SRRM2: variants seen among roughly 807,000 people sequenced by gnomAD.
The protein encoded by SRRM2 is serine/arginine repetitive matrix protein 2.
SRRM2 carries 30 observed loss-of-function variants against 213.8 expected under a neutral mutation model. The observed-to-expected ratio is 0.14, with a 90% confidence interval of 0.10 to 0.19. The LOEUF (loss-of-function observed/expected upper bound fraction) is 0.19. Among genes scored for constraint, SRRM2 ranks in the 10% least tolerant of loss-of-function variants. SRRM2 has a pLI of 1.00. For missense variants in SRRM2, 4,904 were observed against 3,647.0 expected (o/e 1.34, Z -8.88); for synonymous variants, 2,025 against 1,377.7 (o/e 1.47, Z -10.40).
In SRRM2 at chr16:2,767,089, T is replaced by C; in HGVS notation, c.6561T>C (p.Ala2187=). 1 of 1,614,186 alleles carries C rather than the reference T, an allele frequency of 6.2e-7. No individual in the cohort carries two copies. ...AQSRIALALT[A]ISLGTARPPP... Reference sequence around the variant, plus strand: ...CCAGGATTGCACTTGCCCTGACAGCTATCAGTCTTGGCACCGCTCGGCCTC... The same window carrying C: ...CCAGGATTGCACTTGCCCTGACAGCCATCAGTCTTGGCACCGCTCGGCCTC... Residue 2187 remains alanine, a synonymous_variant, in exon 11 of 15, where the codon GCT becomes GCC. Coordinates refer to ENST00000301740, the MANE Select transcript of SRRM2 (RefSeq NM_016333.4).
chr16:2,756,345 C>G lies in SRRM2; in HGVS notation c.-20C>G, dbSNP rs763337095. Reference sequence around the variant, plus strand: ...CCGCTCCCCCTCAGGAGCGGTGGTGCCCCCCCCGGGCACGGGGCCATGTAC... The same window carrying G: ...CCGCTCCCCCTCAGGAGCGGTGGTGGCCCCCCCGGGCACGGGGCCATGTAC... On this transcript the variant is annotated 5_prime_UTR_variant, in exon 2 of 15. Coordinates refer to ENST00000301740, the MANE Select transcript of SRRM2 (RefSeq NM_016333.4). 1 of 1,563,910 alleles carries G rather than the reference C, an allele frequency of 6.4e-7. No individual in the cohort carries two copies. The highest frequency in any genetic ancestry group is 8.6e-7 in the Non-Finnish European group (1 of 1,159,186).
rs766524995 is a variant in SRRM2 at position 2,765,595 on chromosome 16, C to G, written c.5067C>G (p.Arg1689=). 1 of 1,614,178 alleles carries G rather than the reference C, an allele frequency of 6.2e-7. No homozygotes were observed. The highest frequency in any genetic ancestry group is 8.5e-7 in the Non-Finnish European group (1 of 1,180,028). ...AGTCTCGTACACCACCTCGACGTCG[C>G]AGCTCTCGATCATCTCCGGAGCTAA... ...KTKSRTPPRR[R]SSRSSPELTR... Residue 1689 remains arginine (R), a synonymous_variant, in exon 11 of 15, where the codon CGC becomes CGG. Transcript: ENST00000301740.
chr16:2,768,289 T>G, intron 11 of SRRM2, 28 bp downstream of exon 11: 2 of 1,493,932 alleles, frequency 1.3e-6, no homozygotes, highest in Non-Finnish European at 1.8e-6. Context: ...TTAGAAATCT[T>G]CAGTGGGGGA....
At chr16:2,757,353 C>G (rs1032555671) in intron 2 of SRRM2, 119 bp from the exon 3 acceptor site, 1 of 764,028 alleles carries the variant, frequency 1.3e-6, no homozygotes, top group Non-Finnish European at 2.2e-6. Context: ...TTTGGGTGAG[C>G]GAAAAGTTCT....
At position 2,771,050 on chromosome 16, in the gene SRRM2, G is replaced by T. The variant is rs763793877; in HGVS notation, c.*183G>T. 3.5e-5 allele frequency: 19 copies of T among 540,738 alleles called. No homozygotes were observed. Among genetic ancestry groups the T allele is most frequent in the African/African-American group, 8.0e-5 (4 of 49,782 alleles). 33.5% of individuals were successfully genotyped at this position (540,738 alleles called of 1,614,324 possible). A position where few individuals can be genotyped will look rare whatever the true frequency, so the allele number is the denominator to read the frequency against. ...TTGTTCCTGTGAAATGTTAATCTCC[G>T]TGAGTTCTTCCTGGTTCATGTGTTC... is the stretch of plus-strand genomic sequence containing the variant. On this transcript the variant is annotated 3_prime_UTR_variant, in exon 15 of 15. Transcript: ENST00000301740.
intron 9 of SRRM2, 123 bp from the exon 10 acceptor site, chr16:2,760,178 T>TAA: frequency 2.1e-6 from 2 of 954,214 alleles, no homozygotes. Context: ...GTTGTGCGAC[T>TAA]AAAGGCTTTT....
chr16:2,769,573 C>T (rs182328799), intron 12 of SRRM2: 15 of 642,722 alleles, frequency 2.3e-5, no homozygotes, highest in African/African-American at 8.9e-5. Context: ...CTCCCTGTTG[C>T]TACTGCCAGG....
chr16:2,764,799 C>T lies in SRRM2; in HGVS notation c.4271C>T (p.Ser1424Phe), dbSNP rs755963980. The part of the protein sequence containing the change: ...PSRERSSSAS[S>F]PEMKDGLPRT... ...AGAGAAAGAAGTAGTTCTGCATCTT[C>T]TCCTGAAATGAAAGATGGTTTACCC... is the stretch of plus-strand genomic sequence containing the variant. Residue 1424 changes from serine to phenylalanine, a missense_variant, in exon 11 of 15, where the codon TCT becomes TTT. Ser to Phe is a radical substitution (Grantham distance 155). Coordinates refer to ENST00000301740, the MANE Select transcript of SRRM2 (RefSeq NM_016333.4). 3.1e-6 allele frequency: 5 copies of T among 1,614,102 alleles called. No homozygotes were observed. Among genetic ancestry groups the T allele is most frequent in the South Asian group, 1.1e-5 (1 of 91,076 alleles).
rs1428484737 is a variant in SRRM2, at chr16:2,767,210, C to T, written c.6682C>T (p.Leu2228Phe). 6.2e-7 allele frequency: 1 copy of T among 1,614,204 alleles called. No individual in the cohort carries two copies. Among genetic ancestry groups the T allele is most frequent in the Non-Finnish European group, 8.5e-7 (1 of 1,180,036 alleles). ...TCTCAGAACCGCACCAGCAGCCAAC[C>T]TTGCCAGCAGGATTCCTGCAGCCTC... ...MSLRTAPAAN[L>F]ASRIPAASAA... Residue 2228 changes from leucine to phenylalanine, a missense_variant, in exon 11 of 15, where the codon CTT (leucine) becomes TTT (phenylalanine). Physicochemically the swap from Leu to Phe is conservative, Grantham distance 22. Transcript: ENST00000301740.
At chr16:2,769,772 G>A (rs748364465) in intron 12 of SRRM2, 2 of 466,198 alleles carry the variant, frequency 4.3e-6, no homozygotes, top group Non-Finnish European at 8.5e-6. Context: ...CCCCACCTCT[G>A]CGGGAGTGGC....
chr16:2,770,105 A>C, intron 12 of SRRM2: 1 of 1,392,436 alleles, frequency 7.2e-7, no homozygotes, highest in Non-Finnish European at 9.4e-7. Context: ...GCCTTTCTTC[A>C]CCACTGAGCT....
Position 2,756,621 on chromosome 16 carries a change from G to GGGGA in SRRM2, c.242+17_242+20dup. On this transcript the variant is annotated intron_variant, in intron 2 of 14. Coordinates refer to ENST00000301740, the MANE Select transcript of SRRM2 (RefSeq NM_016333.4). ...GAAGAGCAGGGGTGAGGGAGAGCTGGGGGAGAGTCAAGCACTGAATGAGTG... is the reference window on the plus strand; with the variant it reads ...GAAGAGCAGGGGTGAGGGAGAGCTGGGGGAGGGAGAGTCAAGCACTGAATGAGTG... 2 of 1,606,084 alleles carry GGGGA rather than the reference G, an allele frequency of 1.2e-6. No homozygotes were observed. The highest frequency in any genetic ancestry group is 1.7e-6 in the Non-Finnish European group (2 of 1,175,878).
chr16:2,762,328 C>A lies in SRRM2; in HGVS notation c.1800C>A (p.Thr600=), dbSNP rs2068381923. 1.2e-6 allele frequency: 2 copies of A among 1,613,966 alleles called. No homozygotes were observed. ...GGAGATCACGATCCAGAACTCCCAC[C>A]AGGCGTAGGTCTCGGTCTAGAACAC... is the stretch of plus-strand genomic sequence containing the variant. ...ARRRSRSRTP[T]RRRSRSRTPA... is the part of the protein sequence containing the mutation. The change falls in exon 11 of 15, where the codon ACC becomes ACA. Residue 600 remains threonine, a synonymous_variant. Coordinates refer to ENST00000301740, the MANE Select transcript of SRRM2 (RefSeq NM_016333.4).
rs1567213359 is a variant in SRRM2, at chr16:2,752,815, T to C, written c.-63T>C. Reference sequence around the variant, plus strand: ...CGAGCAGCGGCGGCGGCAAGACCTCTCCCCCTCGGAGGCGGCGGGCGGAGG... The same window carrying C: ...CGAGCAGCGGCGGCGGCAAGACCTCCCCCCCTCGGAGGCGGCGGGCGGAGG... On this transcript the variant is annotated 5_prime_UTR_variant, in exon 1 of 15. Transcript: ENST00000301740. 1.6e-5 allele frequency: 5 copies of C among 317,408 alleles called. No individual in the cohort carries two copies. The highest frequency in any genetic ancestry group is 7.9e-5 in the Admixed American group (2 of 25,470). 19.7% of individuals were successfully genotyped at this position (317,408 alleles called of 1,614,324 possible).
chr16:2,770,330 T>C (rs764930962), intron 12 of SRRM2, 22 bp from the exon 13 acceptor site: 6 of 1,558,654 alleles, frequency 3.8e-6, no homozygotes, highest in East Asian at 4.8e-5. Context: ...GTGGTGCTAT[T>C]GGGTCCTACT....
rs1567232971 is a variant in SRRM2, at chr16:2,763,854, C to T, written c.3326C>T (p.Ala1109Val). 2 of 1,614,226 alleles carry T rather than the reference C, an allele frequency of 1.2e-6. No individual in the cohort carries two copies. The highest frequency in any genetic ancestry group is 2.2e-5 in the South Asian group (2 of 91,088). The part of the protein sequence containing the change: ...SRSSSPVTEL[A>V]SRSPIRQDRG... ...TCTTCATCTCCAGTCACTGAGCTGGCATCCAGATCTCCAATAAGACAAGAT... is the reference window on the plus strand; with the variant it reads ...TCTTCATCTCCAGTCACTGAGCTGGTATCCAGATCTCCAATAAGACAAGAT... The change falls in exon 11 of 15, where the codon GCA becomes GTA. Residue 1109 changes from alanine to valine, a missense_variant. Physicochemically the swap from Ala to Val is moderately conservative, Grantham distance 64 (BLOSUM62 0). Transcript: ENST00000301740.
intron 1 of SRRM2, among the ~76,000 whole-genome samples, chr16:2,754,199 CGTCT>C (rs1158104681): frequency 6.6e-6 from 1 of 151,984 alleles, no homozygotes; most frequent in Non-Finnish European, 1.5e-5. Flanking sequence ...GTGGGGTCGT[CGTCT>C]TTTTTTGTGG....
At position 2,767,319 on chromosome 16, in the gene SRRM2, C is replaced by T. The variant is rs781360911; in HGVS notation, c.6791C>T (p.Ala2264Val). 4 of 1,613,918 alleles carry T rather than the reference C, an allele frequency of 2.5e-6. No homozygotes were observed. In the South Asian group the frequency reaches 4.4e-5, roughly 18 times the overall value. ...CTGGCTGACTCTCGAACGCCAGCTG[C>T]AGCAGCGGCCATGAACTTGGCCAGC... ...VNLADSRTPA[A>V]AAAMNLASPR... The change falls in exon 11 of 15, where the codon GCA becomes GTA. Residue 2264 changes from alanine (A) to valine (V), a missense_variant. Physicochemically the swap from Ala to Val is moderately conservative, Grantham distance 64. Transcript: ENST00000301740.
In SRRM2 at chr16:2,758,981, T is replaced by G; in HGVS notation, c.594-4T>G. 1 of 1,614,120 alleles carries G rather than the reference T, an allele frequency of 6.2e-7. No homozygotes were observed. The highest frequency in any genetic ancestry group is 8.5e-7 in the Non-Finnish European group (1 of 1,180,006). The stretch of plus-strand genomic sequence containing the variant: ...GATGAGCTTGCTTTTGAATCCATCT[T>G]TAGCAGGTCAGAGAGCAGCTCTCCT... On this transcript the variant is annotated splice_polypyrimidine_tract_variant and splice_region_variant and intron_variant, in intron 5 of 14. Coordinates refer to ENST00000301740, the MANE Select transcript of SRRM2 (RefSeq NM_016333.4).
Sources: allele counts gnomAD v4.1 joint callset (sites outside exome capture counted in the v4.1 genomes callset), GRCh38; gene constraint gnomAD v4.1.1; transcripts MANE v1.5; gene names NCBI Gene and HGNC (gene_info 2026-07-23, HGNC 2026-07-21).